The following PARVB variants were observed in gnomAD, a reference collection of about 807,000 sequenced individuals.
The protein encoded by PARVB is beta-parvin.
A neutral mutation model predicts 47.0 loss-of-function variants in PARVB; 46 were observed. The observed-to-expected ratio is 0.98, with a 90% confidence interval of 0.77 to 1.25. The LOEUF is 1.25. Among genes scored for constraint, PARVB ranks in the 50% most tolerant of loss-of-function variants. PARVB has a pLI of 0.00. For missense variants in PARVB, 473 were observed against 471.6 expected (o/e 1.00, Z -0.03); for synonymous variants, 196 against 196.3 (o/e 1.00, Z 0.01).
intron 8 of PARVB, chr22:44,146,822 C>T (rs2053695943): frequency 6.6e-6 from 1 of 152,508 alleles, no homozygotes; most frequent in African/African-American, 2.4e-5. Flanking sequence ...GGGTTGGGGC[C>T]CCAGCCTGGC....
At chr22:44,162,780 G>A (rs1302782234) in intron 11 of PARVB, 3 of 152,214 alleles carry the variant, frequency 2.0e-5, no homozygotes, top group African/African-American at 7.2e-5. Context: ...CCTCTGAGTG[G>A]TCTTTAAACA....
upstream of PARVB, among the ~76,000 whole-genome samples, chr22:44,021,759 T>TCTCACA (rs1451436897): frequency 9.7e-6 from 1 of 102,786 alleles, no homozygotes; most frequent in Admixed American, 1.0e-4. Context: ...AAGTCTAGAC[T>TCTCACA]CACACACACA....
chr22:44,038,506 C>T (rs550972390), intron 1 of PARVB, among the ~76,000 whole-genome samples: 15 of 152,078 alleles, frequency 9.9e-5, no homozygotes, highest in Admixed American at 6.5e-4. Context: ...TGGGGCCGGG[C>T]GTGGTGGCTC....
intron 2 of PARVB, among the ~76,000 whole-genome samples, chr22:44,015,042 G>A (rs954649131): frequency 3.3e-5 from 5 of 152,020 alleles, no homozygotes; most frequent in African/African-American, 1.2e-4. Flanking sequence ...GTAGAGATGG[G>A]GTTTCACCAT....
At chr22:44,099,195 C>T (rs2052381438) in intron 2 of PARVB, among the ~76,000 whole-genome samples, 2 of 152,196 alleles carry the variant, frequency 1.3e-5, no homozygotes, top group East Asian at 3.8e-4. Flanking sequence ...GGGCCCCACC[C>T]GACCCATGCT....
intron 1 of PARVB, among the ~76,000 whole-genome samples, chr22:44,082,517 TCAAAAA>T (rs996201001): frequency 1.8e-4 from 27 of 152,020 alleles, no homozygotes; most frequent in Non-Finnish European, 2.4e-4. Flanking sequence ...AGAGTCCGTC[TCAAAAA>T]CAAAAACAAA....
rs528094394 is a variant in PARVB, at chr22:44,100,746, G to A, written c.273+623G>A. Among the ~76,000 whole-genome samples, 7 of 152,238 alleles carry A rather than the reference G, an allele frequency of 4.6e-5. No homozygotes were observed. The South Asian group carries it at 1.5e-3, about 32-fold the overall frequency. On this transcript the variant is annotated intron_variant, in intron 3 of 12. Coordinates refer to ENST00000338758, the MANE Select transcript of PARVB (RefSeq NM_013327.5). ...CTCACCGTGAGGCAGTGCTTGTGTGGGTCCAAGGACAGATTGCAGTTTTGG... is the reference window on the plus strand; with the variant it reads ...CTCACCGTGAGGCAGTGCTTGTGTGAGTCCAAGGACAGATTGCAGTTTTGG...
Position 44,172,303 on chromosome 22 carries a change from C to T in PARVB, c.*3625C>T, listed in dbSNP as rs1479489499. ...TCTTAGTTCAGAGAAATTCTGGGAC[C>T]CTTCCTCCTCCCGGCACCACGTTTT... On this transcript the variant is annotated 3_prime_UTR_variant, in exon 13 of 13. Transcript: ENST00000338758. 6.6e-6 allele frequency: 1 copy of T among 152,288 alleles called. No homozygotes were observed. Among genetic ancestry groups the T allele is most frequent in the African/African-American group, 2.4e-5 (1 of 41,428 alleles). 9.4% of individuals were successfully genotyped at this position (152,288 alleles called of 1,614,324 possible). A position where few individuals can be genotyped will look rare whatever the true frequency, so the allele number is the denominator to read the frequency against.
intron 1 of PARVB, among the ~76,000 whole-genome samples, chr22:44,045,906 C>T (rs548924796): frequency 1.3e-5 from 2 of 152,258 alleles, no homozygotes; most frequent in African/African-American, 2.4e-5. Context: ...TGGGATCCCT[C>T]GAGATTCCGT....
intron 6 of PARVB, among the ~76,000 whole-genome samples, chr22:44,135,138 T>A (rs1448593100): frequency 6.6e-6 from 1 of 152,160 alleles, no homozygotes; most frequent in Non-Finnish European, 1.5e-5. Flanking sequence ...GGAAATGAGT[T>A]CCCAGTCCCT....
chr22:44,000,496 G>T (rs1406890956), intron 2 of PARVB, among the ~76,000 whole-genome samples: 1 of 152,210 alleles, frequency 6.6e-6, no homozygotes, highest in Non-Finnish European at 1.5e-5. Flanking sequence ...GATGAAATAG[G>T]CCGGGCGTGG....
chr22:44,154,046 G>C (rs1454415733), intron 10 of PARVB, among the ~76,000 whole-genome samples: 1 of 152,176 alleles, frequency 6.6e-6, no homozygotes, highest in Non-Finnish European at 1.5e-5. Context: ...CCCTGGTACT[G>C]TCATGGGGCG....
At position 44,094,685 on chromosome 22, in the gene PARVB, C is replaced by T. The variant is rs1374517099; in HGVS notation, c.202+668C>T. Among the ~76,000 whole-genome samples, 4 of 151,726 alleles carry T rather than the reference C, an allele frequency of 2.6e-5. No homozygotes were observed. The East Asian group carries it at 7.7e-4, about 29-fold the overall frequency. ...TTTAATTTATTTGTAGAGATGGGGT[C>T]TTGCCATGTTGCTCAGACTGGTCTC... On this transcript the variant is annotated intron_variant, in intron 2 of 12. Coordinates refer to ENST00000338758, the MANE Select transcript of PARVB (RefSeq NM_013327.5).
chr22:44,164,054 G>A (rs943235374), intron 12 of PARVB, 124 bp downstream of exon 12: 7 of 644,930 alleles, frequency 1.1e-5, no homozygotes, highest in Non-Finnish European at 1.8e-5. Flanking sequence ...TCTGGCTCTG[G>A]GGCAAGGGTC....
At chr22:44,131,884 T>C (rs886978583) in intron 5 of PARVB, among the ~76,000 whole-genome samples, 1 of 151,966 alleles carries the variant, frequency 6.6e-6, no homozygotes, top group Non-Finnish European at 1.5e-5. Context: ...AGAGAGGCAA[T>C]GTTTATGGAT....
At chr22:44,092,364 C>T (rs1215406520) in intron 1 of PARVB, among the ~76,000 whole-genome samples, 2 of 152,216 alleles carry the variant, frequency 1.3e-5, no homozygotes, top group East Asian at 1.9e-4. Flanking sequence ...CTGCCTCAGC[C>T]TCCCAAAGTG....
chr22:44,024,868 T>A lies in PARVB; in HGVS notation c.112+417T>A, dbSNP rs549436852. ...AGACACGGCCTGGGGGACCCACTAC[T>A]GGGTGTTGCGCGGGCGCCCTGCAGG... On this transcript the variant is annotated intron_variant, in intron 1 of 12. Transcript: ENST00000338758. Among the ~76,000 whole-genome samples the A allele has an allele frequency of 2.7e-4, 41 of 152,202 alleles. No individual in the cohort carries two copies. The South Asian group carries it at 8.5e-3, about 32-fold the overall frequency.
intron 1 of PARVB, among the ~76,000 whole-genome samples, chr22:44,087,847 T>G (rs1421081346): frequency 3.1e-5 from 1 of 32,734 alleles, no homozygotes. Flanking sequence ...AACGATGGTG[T>G]TTTTTTTTTT....
chr22:44,129,677 C>T (rs1029896339), intron 4 of PARVB, among the ~76,000 whole-genome samples: 1 of 152,222 alleles, frequency 6.6e-6, no homozygotes, highest in Non-Finnish European at 1.5e-5. Context: ...GTGGATGACT[C>T]AGCGAGGAGC....
Sources: allele counts gnomAD v4.1 joint callset (sites outside exome capture counted in the v4.1 genomes callset), GRCh38; gene constraint gnomAD v4.1.1; transcripts MANE v1.5; gene names NCBI Gene and HGNC (gene_info 2026-07-23, HGNC 2026-07-21).